Variants in HTR1F observed in about 807,000 individuals in gnomAD.
HTR1F encodes the protein 5-hydroxytryptamine receptor 1F, also known as 5-hydroxytryptamine (serotonin) receptor 1F, G protein-coupled.
A neutral mutation model predicts 24.0 loss-of-function variants in HTR1F; 17 were observed. That is an observed-to-expected ratio of 0.71 (90% CI 0.48 to 1.06). HTR1F has a LOEUF of 1.06. HTR1F is among the 50% of genes least tolerant of loss of function. The probability of loss-of-function intolerance (pLI) is 0.00; values close to 1 mark genes in which losing one functional copy is unlikely to be tolerated. For missense variants in HTR1F, 391 were observed against 427.8 expected, an observed-to-expected ratio of 0.91 and a Z score of 0.76; for synonymous variants, 186 against 156.8, an observed-to-expected ratio of 1.19 and a Z score of -1.39.
chr3:87,880,217 A>T (rs1329105468), intron 2 of HTR1F, among the ~76,000 whole-genome samples: 3 of 152,196 alleles, frequency 2.0e-5, no homozygotes, highest in African/African-American at 7.2e-5. Context: ...AACTTTGGGG[A>T]GTAATAGGAA....
chr3:87,866,264 G>A (rs1705424510), intron 2 of HTR1F, among the ~76,000 whole-genome samples: 2 of 152,244 alleles, frequency 1.3e-5, no homozygotes, highest in South Asian at 2.1e-4. Context: ...GAGGTGCTAC[G>A]AACATATGCC....
chr3:87,872,455 A>G (rs767956902), intron 2 of HTR1F, among the ~76,000 whole-genome samples: 2 of 152,100 alleles, frequency 1.3e-5, no homozygotes, highest in Non-Finnish European at 2.9e-5. Flanking sequence ...AACAGAATAG[A>G]AAAAGTGATA....
intron 2 of HTR1F, among the ~76,000 whole-genome samples, chr3:87,925,059 TC>T (rs1704092293): frequency 6.7e-6 from 1 of 149,100 alleles, no homozygotes; most frequent in Admixed American, 6.7e-5. Flanking sequence ...TTTTATTCAT[TC>T]TTTTTTTTTT....
At chr3:87,916,209 A>C (rs539476443) in intron 2 of HTR1F, among the ~76,000 whole-genome samples, 21 of 152,024 alleles carry the variant, frequency 1.4e-4, no homozygotes, top group African/African-American at 5.1e-4. Flanking sequence ...GGGGGCTCTA[A>C]ATCTTGAAAT....
chr3:87,921,966 G>A (rs1418408469), intron 2 of HTR1F, among the ~76,000 whole-genome samples: 1 of 151,966 alleles, frequency 6.6e-6, no homozygotes, highest in African/African-American at 2.4e-5. Flanking sequence ...CTTTGCTGTT[G>A]TGAATAGTGT....
intron 2 of HTR1F, among the ~76,000 whole-genome samples, chr3:87,858,480 A>G (rs1387024093): frequency 2.6e-5 from 4 of 152,060 alleles, no homozygotes; most frequent in Non-Finnish European, 4.4e-5. Flanking sequence ...TTTCCTATCC[A>G]TGGTTTACTT....
chr3:87,989,064 A>G (rs1209042038), intron 2 of HTR1F, among the ~76,000 whole-genome samples: 1 of 152,224 alleles, frequency 6.6e-6, no homozygotes, highest in Non-Finnish European at 1.5e-5. Flanking sequence ...TAAGAATATC[A>G]GGTCTCCATA....
intron 2 of HTR1F, among the ~76,000 whole-genome samples, chr3:87,935,995 C>T (rs534378503): frequency 2.6e-5 from 4 of 152,104 alleles, no homozygotes; most frequent in East Asian, 1.9e-4. Context: ...GGACTACAGG[C>T]GCCCACCACT....
intron 2 of HTR1F, among the ~76,000 whole-genome samples, chr3:87,912,917 A>C (rs1031045774): frequency 6.6e-6 from 1 of 152,166 alleles, no homozygotes; most frequent in African/African-American, 2.4e-5. Context: ...CCCCTTCCTT[A>C]TGCCACATAC....
chr3:87,903,773 G>A lies in HTR1F; in HGVS notation c.-43+81649G>A, dbSNP rs151071664. 4.6e-5 allele frequency among the ~76,000 whole-genome samples: 7 copies of A among 152,278 alleles called. No homozygotes were observed. In the East Asian group the frequency reaches 1.3e-3, roughly 29 times the overall value. ...CATTTGACCGAGCCATCCCATTACT[G>A]GGTATATACCCAAAGGAATATAAAT... On this transcript the variant is annotated intron_variant, in intron 2 of 2. Coordinates refer to ENST00000319595, the MANE Select transcript of HTR1F (RefSeq NM_001322209.2).
chr3:87,897,144 T>C (rs1706215537), intron 2 of HTR1F, among the ~76,000 whole-genome samples: 1 of 151,476 alleles, frequency 6.6e-6, no homozygotes, highest in East Asian at 1.9e-4. Flanking sequence ...ATAGCCAAAA[T>C]ATGGAACCAA....
intron 2 of HTR1F, among the ~76,000 whole-genome samples, chr3:87,862,843 C>T (rs1705345715): frequency 6.6e-6 from 1 of 151,702 alleles, no homozygotes; most frequent in African/African-American, 2.4e-5. Context: ...GAGACACAGT[C>T]ACTCACTCTG....
intron 1 of HTR1F, among the ~76,000 whole-genome samples, chr3:87,799,541 G>C (rs1366681599): frequency 1.3e-5 from 2 of 152,294 alleles, no homozygotes; most frequent in Admixed American, 1.3e-4. Context: ...TAAAAGACTT[G>C]AGCCCGAGGC....
chr3:87,820,325 C>T (rs1243121170), intron 1 of HTR1F, among the ~76,000 whole-genome samples: 1 of 151,210 alleles, frequency 6.6e-6, no homozygotes, highest in Admixed American at 6.6e-5. Context: ...TACAGGCGCC[C>T]GCCACTACGC....
Position 87,991,734 on chromosome 3 carries a change from T to A in HTR1F, c.985T>A (p.Ser329Thr). ...CAAATGTAAAATTTCTGAAGAAATGTCCAATTTTTTGGCATGGCTTGGGTA... is the reference window on the plus strand; with the variant it reads ...CAAATGTAAAATTTCTGAAGAAATGACCAATTTTTTGGCATGGCTTGGGTA... Reference protein sequence around the residue: ...CDKCKISEEMSNFLAWLGYLN... With the variant: ...CDKCKISEEMTNFLAWLGYLN... The change falls in exon 3 of 3, where the codon TCC (serine) becomes ACC (threonine). Residue 329 changes from serine (S) to threonine (T), a missense_variant. By Grantham distance (58) the Ser-to-Thr change is moderately conservative. Coordinates refer to ENST00000319595, the MANE Select transcript of HTR1F (RefSeq NM_001322209.2). 6.2e-7 allele frequency: 1 copy of A among 1,613,976 alleles called. No homozygotes were observed. The highest frequency in any genetic ancestry group is 1.1e-5 in the South Asian group (1 of 91,070).
intron 2 of HTR1F, among the ~76,000 whole-genome samples, chr3:87,969,430 CAG>C (rs1043092877): frequency 2.6e-5 from 4 of 152,190 alleles, no homozygotes; most frequent in Non-Finnish European, 5.9e-5. Flanking sequence ...GGATGTGAGA[CAG>C]GGAGTCAAAG....
chr3:87,901,296 T>G (rs544323921), intron 2 of HTR1F, among the ~76,000 whole-genome samples: 157 of 152,158 alleles, frequency 1.0e-3, no homozygotes, highest in African/African-American at 3.7e-3. Flanking sequence ...TAAATTGAAC[T>G]CATGAGATTG....
intron 2 of HTR1F, among the ~76,000 whole-genome samples, chr3:87,920,951 ACT>A (rs1704001037): frequency 1.3e-5 from 2 of 151,968 alleles, no homozygotes; most frequent in South Asian, 4.1e-4. Flanking sequence ...TTTCTTTCTG[ACT>A]ATCCTTTCCT....
Position 87,993,255 on chromosome 3 carries a change from A to G in HTR1F, c.*1405A>G, listed in dbSNP as rs1432255401. 6.0e-6 allele frequency: 1 copy of G among 166,732 alleles called. No individual in the cohort carries two copies. Among genetic ancestry groups the G allele is most frequent in the Non-Finnish European group, 1.5e-5 (1 of 68,034 alleles). The allele number at this position is 166,732 out of a possible 1,614,324, so 10.3% of individuals were successfully genotyped here. A position where few individuals can be genotyped will look rare whatever the true frequency, so the allele number is the denominator to read the frequency against. ...TTATGTATATATAGATCTGTGACAAATTACTCTCAATCTAACAAACATTTA... is the reference window on the plus strand; with the variant it reads ...TTATGTATATATAGATCTGTGACAAGTTACTCTCAATCTAACAAACATTTA... On this transcript the variant is annotated 3_prime_UTR_variant, in exon 3 of 3. Transcript: ENST00000319595.
Sources: allele counts gnomAD v4.1 joint callset (sites outside exome capture counted in the v4.1 genomes callset), GRCh38; gene constraint gnomAD v4.1.1; transcripts MANE v1.5; gene names NCBI Gene and HGNC (gene_info 2026-07-23, HGNC 2026-07-21).